RAP1GAP2: variants seen among roughly 807,000 people sequenced by gnomAD.
RAP1GAP2 encodes the protein rap1 GTPase-activating protein 2.
RAP1GAP2 carries 27 observed loss-of-function variants against 95.0 expected under a neutral mutation model. The ratio of observed to expected loss-of-function variants is 0.28; its 90% confidence interval spans 0.21 to 0.39. The LOEUF is 0.39. Ranked by LOEUF, RAP1GAP2 falls within the 10% of genes least tolerant of loss-of-function variation. The pLI is 1.00. For synonymous variants in RAP1GAP2, 373 were observed against 380.9 expected (o/e 0.98, Z 0.24); for missense variants, 771 against 970.0 (o/e 0.79, Z 2.72).
At chr17:2,912,591 G>A (rs12601261) in intron 3 of RAP1GAP2, among the ~76,000 whole-genome samples, 22,530 of 151,906 alleles carry the variant, frequency 0.15, 3,155 homozygotes, top group East Asian at 0.64. Flanking sequence ...AAAACCCTGT[G>A]TAGGGACAGG....
At chr17:2,932,913 C>T (rs2043202230) in intron 3 of RAP1GAP2, among the ~76,000 whole-genome samples, 1 of 151,478 alleles carries the variant, frequency 6.6e-6, no homozygotes, top group African/African-American at 2.4e-5. Flanking sequence ...GATGGGCAAA[C>T]CCAGAAGCTT....
chr17:2,892,831 C>CATCA (rs2073766351), intron 2 of RAP1GAP2, among the ~76,000 whole-genome samples: 1 of 152,174 alleles, frequency 6.6e-6, no homozygotes. Flanking sequence ...CACACAAAGC[C>CATCA]ATCAGCACCA....
chr17:2,951,294 T>A lies in RAP1GAP2; in HGVS notation c.166-6465T>A, dbSNP rs375916988. On this transcript the variant is annotated intron_variant, in intron 3 of 24. Transcript: ENST00000254695. Reference sequence around the variant, plus strand: ...CTGCTGCCCGAGTGCCACAGTCTCCTCACCCCTCTCTATCCAGTGATTTCT... The same window carrying A: ...CTGCTGCCCGAGTGCCACAGTCTCCACACCCCTCTCTATCCAGTGATTTCT... 2.4e-4 allele frequency among the ~76,000 whole-genome samples: 36 copies of A among 152,372 alleles called. 1 individual carries two copies. The South Asian group carries it at 6.6e-3, about 28-fold the overall frequency.
At chr17:2,757,242 C>T (rs2071165168) in intron 1 of RAP1GAP2, among the ~76,000 whole-genome samples, 1 of 152,194 alleles carries the variant, frequency 6.6e-6, no homozygotes, top group South Asian at 2.1e-4. Flanking sequence ...CCTCAGCCTC[C>T]CAAGTAGCTG....
rs1390146893 is a variant in RAP1GAP2 at position 3,036,135 on chromosome 17, G to C, written c.*2774G>C. On this transcript the variant is annotated 3_prime_UTR_variant, in exon 25 of 25. Transcript: ENST00000254695. ...ATGGAAGGTCTTAATGAGAGTGTCT[G>C]TCTATGCCAATCATGTAAAATGACG... is the stretch of plus-strand genomic sequence containing the variant. 6.6e-6 allele frequency: 1 copy of C among 152,240 alleles called. No individual in the cohort carries two copies. Among genetic ancestry groups the C allele is most frequent in the Non-Finnish European group, 1.5e-5 (1 of 68,054 alleles). 9.4% of individuals were successfully genotyped at this position (152,240 alleles called of 1,614,324 possible). A position where few individuals can be genotyped will look rare whatever the true frequency, so the allele number is the denominator to read the frequency against.
At chr17:2,997,879 T>C (rs903553765) in intron 13 of RAP1GAP2, among the ~76,000 whole-genome samples, 2 of 142,102 alleles carry the variant, frequency 1.4e-5, no homozygotes, top group Non-Finnish European at 3.0e-5. Flanking sequence ...GCCGAGATCG[T>C]GCCACGGCAC....
At chr17:2,781,262 C>T (rs1251361682) in intron 1 of RAP1GAP2, among the ~76,000 whole-genome samples, 1 of 152,216 alleles carries the variant, frequency 6.6e-6, no homozygotes, top group African/African-American at 2.4e-5. Context: ...AAGCAGATGG[C>T]AGCAGGCATG....
chr17:2,845,140 TTTG>T (rs1283105210), intron 2 of RAP1GAP2, among the ~76,000 whole-genome samples: 2 of 152,100 alleles, frequency 1.3e-5, no homozygotes, highest in South Asian at 2.1e-4. Flanking sequence ...TCAGTCTTTT[TTTG>T]TTGTTGTTTT....
Position 2,905,292 on chromosome 17 carries a change from A to T in RAP1GAP2, c.89A>T (p.Glu30Val). 1 of 1,613,716 alleles carries T rather than the reference A, an allele frequency of 6.2e-7. No individual in the cohort carries two copies. The highest frequency in any genetic ancestry group is 1.1e-5 in the South Asian group (1 of 91,070). ...MLASLKVKKQ[E>V]LANSSDATLP... is the part of the protein sequence containing the mutation. ...TTTTGGCCTCTTCACAGGAAGCAGG[A>T]GCTGGCCAACAGCTCGGATGCGACC... The change falls in exon 3 of 25, where the codon GAG (glutamate) becomes GTG (valine). Residue 30 changes from glutamate to valine, a missense_variant. Physicochemically the swap from Glu to Val is moderately radical, Grantham distance 121. Coordinates refer to ENST00000254695, the MANE Select transcript of RAP1GAP2 (RefSeq NM_015085.5).
rs556461398 is a variant in RAP1GAP2 at position 2,893,759 on chromosome 17, C to T, written c.81-11525C>T. Among the ~76,000 whole-genome samples the T allele has an allele frequency of 1.3e-4, 20 of 151,782 alleles. No homozygotes were observed. In the East Asian group the frequency reaches 3.7e-3, roughly 28 times the overall value. ...GCCAGGCAGAGCCGCTGACTGCGCC[C>T]GGGAGGGGAACTGCTCTGTCGGCAG... On this transcript the variant is annotated intron_variant, in intron 2 of 24. Coordinates refer to ENST00000254695, the MANE Select transcript of RAP1GAP2 (RefSeq NM_015085.5).
chr17:2,863,238 C>T (rs953598034), intron 2 of RAP1GAP2, among the ~76,000 whole-genome samples: 3 of 152,098 alleles, frequency 2.0e-5, no homozygotes, highest in African/African-American at 7.2e-5. Flanking sequence ...CCTTCTCCTT[C>T]CAGGCAGACT....
At chr17:2,834,075 T>G (rs749859233) in intron 2 of RAP1GAP2, among the ~76,000 whole-genome samples, 1 of 152,142 alleles carries the variant, frequency 6.6e-6, no homozygotes, top group Non-Finnish European at 1.5e-5. Context: ...TGCAGCATGG[T>G]CTTTTGCTGA....
At chr17:2,837,902 G>A (rs371774904) in intron 2 of RAP1GAP2, among the ~76,000 whole-genome samples, 14 of 151,728 alleles carry the variant, frequency 9.2e-5, no homozygotes, top group Admixed American at 1.3e-4. Context: ...CACCGCACCC[G>A]GTCTCAGCCC....
At chr17:2,913,958 C>T (rs1567771897) in intron 3 of RAP1GAP2, among the ~76,000 whole-genome samples, 1 of 151,968 alleles carries the variant, frequency 6.6e-6, no homozygotes. Context: ...GCAGCCTCCG[C>T]CTCCCGGGTT....
chr17:2,991,260 T>C (rs1347199223), intron 11 of RAP1GAP2, 37 bp from the exon 12 acceptor site: 1 of 1,489,228 alleles, frequency 6.7e-7, no homozygotes, highest in Non-Finnish European at 9.2e-7. Flanking sequence ...AGAAAGAATT[T>C]TTCTAATTCC....
Position 2,963,923 on chromosome 17 carries a change from A to G in RAP1GAP2, c.347A>G (p.Asp116Gly), listed in dbSNP as rs768450726. ...LPQFGGYWIE[D>G]PENVGTPTSL... ...CAGTTTGGGGGCTATTGGATCGAGGACCCGGAGAACGTGGGCACCCCAACA... is the reference window on the plus strand; with the variant it reads ...CAGTTTGGGGGCTATTGGATCGAGGGCCCGGAGAACGTGGGCACCCCAACA... Residue 116 changes from aspartate to glycine, a missense_variant, in exon 7 of 25, where the codon GAC (aspartate) becomes GGC (glycine). Transcript: ENST00000254695. The surrounding 1 kb of genome is among the most constrained non-coding windows in gnomAD (Gnocchi z 4.8). 2.5e-6 allele frequency: 4 copies of G among 1,613,184 alleles called. No homozygotes were observed. In the East Asian group the frequency reaches 6.7e-5, roughly 27 times the overall value.
intron 17 of RAP1GAP2, among the ~76,000 whole-genome samples, chr17:3,017,427 G>A (rs756032174): frequency 1.2e-4 from 18 of 152,138 alleles, no homozygotes; most frequent in Non-Finnish European, 1.5e-4. Context: ...CCTGCAAGTG[G>A]GAGGGGCGGC....
rs1469842432 is a variant in RAP1GAP2 at position 2,902,687 on chromosome 17, T to A, written c.81-2597T>A. Among the ~76,000 whole-genome samples, 1 of 152,122 alleles carries A rather than the reference T, an allele frequency of 6.6e-6. No individual in the cohort carries two copies. Among genetic ancestry groups the A allele is most frequent in the Non-Finnish European group, 1.5e-5 (1 of 68,018 alleles). Reference sequence around the variant, plus strand: ...GGCATCATTTGGGAAATCCTTCTGGTCAGAAGCTGCCATGTGCTCCGACTT... The same window carrying A: ...GGCATCATTTGGGAAATCCTTCTGGACAGAAGCTGCCATGTGCTCCGACTT... On this transcript the variant is annotated intron_variant, in intron 2 of 24. Coordinates refer to ENST00000254695, the MANE Select transcript of RAP1GAP2 (RefSeq NM_015085.5). The surrounding 1 kb of genome is among the most constrained non-coding windows in gnomAD (Gnocchi z 4.1).
intron 2 of RAP1GAP2, among the ~76,000 whole-genome samples, chr17:2,895,911 G>T (rs1410377165): frequency 6.6e-6 from 1 of 151,862 alleles, no homozygotes; most frequent in South Asian, 2.1e-4. Context: ...CTGTGCCCTC[G>T]AATGGTGTGA....
Sources: allele counts gnomAD v4.1 joint callset (sites outside exome capture counted in the v4.1 genomes callset), GRCh38; gene constraint gnomAD v4.1.1; non-coding constraint Gnocchi (gnomAD v3.1); transcripts MANE v1.5; gene names NCBI Gene and HGNC (gene_info 2026-07-23, HGNC 2026-07-21).